NCOR1: variants seen among roughly 807,000 people sequenced by gnomAD.
NCOR1 encodes the protein protein phosphatase 1, regulatory subunit 109.
A neutral mutation model predicts 288.1 loss-of-function variants in NCOR1; 63 were observed. That is an observed-to-expected ratio of 0.22 (90% confidence interval 0.18 to 0.27). The LOEUF is 0.27. Ranked by LOEUF, NCOR1 falls within the 10% of genes least tolerant of loss-of-function variation. The pLI, the probability that NCOR1 is intolerant of heterozygous loss-of-function variation, is 1.00. For missense variants in NCOR1, 2,397 were observed against 3,019.2 expected, an observed-to-expected ratio of 0.79 and a Z score of 4.83; for synonymous variants, 1,007 against 1,065.9, an observed-to-expected ratio of 0.94 and a Z score of 1.08.
At chr17:16,037,000 T>C (rs1043228006) in intron 44 of NCOR1, among the ~76,000 whole-genome samples, 1 of 152,276 alleles carries the variant, frequency 6.6e-6, no homozygotes, top group South Asian at 2.1e-4. Flanking sequence ...AGCTTAATCA[T>C]TTCTAACTTT....
chr17:16,057,992 T>C lies in NCOR1; in HGVS notation c.6083A>G (p.Gln2028Arg). 1 of 1,614,096 alleles carries C rather than the reference T, an allele frequency of 6.2e-7. No individual in the cohort carries two copies. Among genetic ancestry groups the C allele is most frequent in the Non-Finnish European group, 8.5e-7 (1 of 1,179,990 alleles). Residue 2028 changes from glutamine (Q) to arginine (R), a missense_variant, in exon 39 of 46, where the codon CAA becomes CGA. Coordinates refer to ENST00000268712, the MANE Select transcript of NCOR1 (RefSeq NM_006311.4). ...RPQQESPSPQ[Q>R]QLPPSSQAEG... ...TGCCTGTGAAGAAGGGGGCAGCTGT[T>C]GTTGGGGAGATGGTGATTCCTGCTG... is the stretch of plus-strand genomic sequence containing the variant.
At chr17:16,131,720 T>C (rs2075670809) in intron 14 of NCOR1, among the ~76,000 whole-genome samples, 1 of 152,242 alleles carries the variant, frequency 6.6e-6, no homozygotes, top group African/African-American at 2.4e-5. Flanking sequence ...TTAGTGCTCC[T>C]AAGCCAACTG....
rs748772333 is a variant in NCOR1, at chr17:16,108,928, G to C, written c.2056-16C>G. On this transcript the variant is annotated splice_polypyrimidine_tract_variant and intron_variant, in intron 18 of 45. Coordinates refer to ENST00000268712, the MANE Select transcript of NCOR1 (RefSeq NM_006311.4). ...TTCGTGAAGTCTAAAGGAGGAAAGA[G>C]TATTATTTGATTTAAATAACTAAAA... The C allele has an allele frequency of 1.3e-6, 2 of 1,532,142 alleles. No homozygotes were observed. The highest frequency in any genetic ancestry group is 2.6e-5 in the South Asian group (2 of 78,344). 94.9% of individuals were successfully genotyped at this position (1,532,142 alleles called of 1,614,324 possible). A position where few individuals can be genotyped will look rare whatever the true frequency, so the allele number is the denominator to read the frequency against.
Position 16,146,305 on chromosome 17 carries a change from A to G in NCOR1, c.1082+71T>C. 4.2e-6 allele frequency: 6 copies of G among 1,437,492 alleles called. No individual in the cohort carries two copies. In the Admixed American group the frequency reaches 1.1e-4, roughly 27 times the overall value. 89.0% of individuals were successfully genotyped at this position (1,437,492 alleles called of 1,614,324 possible). A position where few individuals can be genotyped will look rare whatever the true frequency, so the allele number is the denominator to read the frequency against. ...AAGAATGATCAATACATACTAAAAA[A>G]ATTTTTAAAAAAAAGAAACAATAAA... On this transcript the variant is annotated intron_variant, in intron 10 of 45. Transcript: ENST00000268712.
intron 1 of NCOR1, among the ~76,000 whole-genome samples, chr17:16,214,405 T>C (rs2092384196): frequency 6.6e-6 from 1 of 152,196 alleles, no homozygotes; most frequent in African/African-American, 2.4e-5. Flanking sequence ...AGTGCCATGT[T>C]CAGCCTTCCA....
intron 30 of NCOR1, among the ~76,000 whole-genome samples, chr17:16,071,098 T>G (rs1396867668): frequency 6.6e-6 from 1 of 151,774 alleles, no homozygotes; most frequent in Non-Finnish European, 1.5e-5. Flanking sequence ...CTTGGCAACA[T>G]GGCAAAGCCC....
intron 2 of NCOR1, among the ~76,000 whole-genome samples, chr17:16,190,467 T>G (rs1233972573): frequency 6.6e-6 from 1 of 151,672 alleles, no homozygotes; most frequent in African/African-American, 2.4e-5. Context: ...CCCAAGCAGC[T>G]GGAACTACAG....
chr17:16,130,746 C>T lies in NCOR1; in HGVS notation c.1510-4540G>A, dbSNP rs147717266. On this transcript the variant is annotated intron_variant, in intron 14 of 45. Transcript: ENST00000268712. Reference sequence around the variant, plus strand: ...TCACCCAGGCTGGAGTACAGCGGCGCAATCTTGGCTCACTGCAACCTATGC... The same window carrying T: ...TCACCCAGGCTGGAGTACAGCGGCGTAATCTTGGCTCACTGCAACCTATGC... 7.6e-3 allele frequency among the ~76,000 whole-genome samples: 1,148 copies of T among 151,670 alleles called. 17 individuals carry two copies. The highest frequency in any genetic ancestry group is 0.05 in the East Asian group (254 of 5,118).
At chr17:16,072,112 TA>T in intron 29 of NCOR1, 32 bp downstream of exon 29, 1 of 1,513,812 alleles carries the variant, frequency 6.6e-7, no homozygotes, top group Non-Finnish European at 9.0e-7. Flanking sequence ...GAGGCAGTTA[TA>T]AATAAAAATG....
intron 42 of NCOR1, 83 bp from the exon 43 acceptor site, chr17:16,040,577 A>G: frequency 1.8e-6 from 2 of 1,135,418 alleles, no homozygotes; most frequent in Non-Finnish European, 2.6e-6. Flanking sequence ...TCCTATAATA[A>G]AATTAATCTT....
rs755439859 is a variant in NCOR1 at position 16,064,972 on chromosome 17, G to C, written c.4999C>G (p.Pro1667Ala). Residue 1667 changes from proline to alanine, a missense_variant, in exon 34 of 46, where the codon CCA becomes GCA. By Grantham distance (27) the Pro-to-Ala change is conservative. Around this residue, in one of 11 missense-constraint regions of NCOR1, gnomAD observed 1,872 missense variants for 2,187.8 expected, o/e 0.86. Transcript: ENST00000268712. ...NMPPTILVPH[P>A]GGTSTPPMDR... ...ATGGGAGGAGTGCTTGTTCCCCCTG[G>C]ATGAGGCACTAAAATTGTTGGAGGC... is the stretch of plus-strand genomic sequence containing the variant. 3 of 1,613,928 alleles carry C rather than the reference G, an allele frequency of 1.9e-6. No homozygotes were observed. The highest frequency in any genetic ancestry group is 2.2e-5 in the South Asian group (2 of 91,066).
intron 8 of NCOR1, among the ~76,000 whole-genome samples, chr17:16,151,165 TAAG>T (rs2078798095): frequency 6.6e-6 from 1 of 151,532 alleles, no homozygotes; most frequent in South Asian, 2.1e-4. Context: ...TGTCACAAAC[TAAG>T]AATAATGCAC....
intron 3 of NCOR1, among the ~76,000 whole-genome samples, chr17:16,185,254 A>C (rs982554010): frequency 2.0e-5 from 3 of 152,108 alleles, no homozygotes; most frequent in Non-Finnish European, 4.4e-5. Context: ...ACAAAAGCAA[A>C]AATAAAAACA....
In NCOR1 at chr17:16,061,776, C is replaced by T. The variant is rs1344029820; in HGVS notation, c.5506G>A (p.Val1836Met). The T allele has an allele frequency of 1.9e-6, 3 of 1,614,228 alleles. No individual in the cohort carries two copies. Among genetic ancestry groups the T allele is most frequent in the South Asian group, 1.1e-5 (1 of 91,088 alleles). Residue 1836 changes from valine (V) to methionine (M), a missense_variant, in exon 37 of 46, where the codon GTG (valine) becomes ATG (methionine). Around this residue, in one of 11 missense-constraint regions of NCOR1, gnomAD observed 1,872 missense variants for 2,187.8 expected, o/e 0.86. Coordinates refer to ENST00000268712, the MANE Select transcript of NCOR1 (RefSeq NM_006311.4). Reference protein sequence around the residue: ...DAAASAPQMDVSKTKESKHEA... With the variant: ...DAAASAPQMDMSKTKESKHEA... ...TGCTTACTCTCTTTTGTTTTGGACA[C>T]ATCCATCTGGGGTGCAGAAGCTGCA...
chr17:16,146,303 A>G (rs2077994149), intron 10 of NCOR1, 73 bp downstream of exon 10: 7 of 1,426,824 alleles, frequency 4.9e-6, no homozygotes, highest in Non-Finnish European at 6.6e-6. Context: ...ACATACTAAA[A>G]AAATTTTTAA....
At chr17:16,208,594 T>C (rs1185385330) in intron 1 of NCOR1, among the ~76,000 whole-genome samples, 2 of 152,000 alleles carry the variant, frequency 1.3e-5, no homozygotes, top group African/African-American at 2.4e-5. Context: ...CCCGCACCTA[T>C]AATCCCAGCA....
At chr17:16,143,767 T>C (rs536157282) in intron 10 of NCOR1, 71 bp from the exon 11 acceptor site, 26 of 1,133,346 alleles carry the variant, frequency 2.3e-5, no homozygotes, top group Non-Finnish European at 3.0e-5. Context: ...AAATTAACTA[T>C]AGATTACTTT....
At chr17:16,181,213 G>GTA (rs370956442) in intron 3 of NCOR1, among the ~76,000 whole-genome samples, 44,477 of 121,074 alleles carry the variant, frequency 0.37, 7,434 homozygotes, top group Middle Eastern at 0.44. Context: ...ATATATGTAT[G>GTA]TGTGTGTGTG....
At position 16,064,090 on chromosome 17, in the gene NCOR1, G is replaced by A. The variant is rs891394821; in HGVS notation, c.5199C>T (p.Ser1733=). The part of the protein sequence containing the change: ...ERERERIAAA[S]SDLYLRPGSE... Reference sequence around the variant, plus strand: ...GACCTGGCCGCAGGTAGAGGTCGGAGGAAGCTGCAGCAATCCGTTCCCGCT... The same window carrying A: ...GACCTGGCCGCAGGTAGAGGTCGGAAGAAGCTGCAGCAATCCGTTCCCGCT... Residue 1733 remains serine, a synonymous_variant, in exon 35 of 46, where the codon TCC becomes TCT. Transcript: ENST00000268712. 4 of 1,613,998 alleles carry A rather than the reference G, an allele frequency of 2.5e-6. No individual in the cohort carries two copies. The highest frequency in any genetic ancestry group is 1.3e-5 in the African/African-American group (1 of 74,916).
Sources: allele counts gnomAD v4.1 joint callset (sites outside exome capture counted in the v4.1 genomes callset), GRCh38; gene constraint gnomAD v4.1.1; regional missense constraint gnomAD v4.1.1; transcripts MANE v1.5; gene names NCBI Gene and HGNC (gene_info 2026-07-23, HGNC 2026-07-21).